Variants in NCALD observed in about 807,000 individuals in gnomAD.
The protein encoded by NCALD is neurocalcin delta, also known as neurocalcin-delta.
A neutral mutation model predicts 18.6 loss-of-function variants in NCALD; 10 were observed. The ratio of observed to expected loss-of-function variants is 0.54; its 90% confidence interval spans 0.33 to 0.91. The LOEUF (loss-of-function observed/expected upper bound fraction) is 0.91. NCALD is among the 40% of genes least tolerant of loss of function. The pLI, the probability that NCALD is intolerant of heterozygous loss-of-function variation, is 0.03. For synonymous variants in NCALD, 88 were observed against 87.4 expected, an observed-to-expected ratio of 1.01 and a Z score of -0.04; for missense variants, 184 against 247.6, an observed-to-expected ratio of 0.74 and a Z score of 1.72.
At chr8:102,088,890 G>T (rs1824831204) in intron 1 of NCALD, among the ~76,000 whole-genome samples, 1 of 152,186 alleles carries the variant, frequency 6.6e-6, no homozygotes, top group African/African-American at 2.4e-5. Context: ...CAAATTATGA[G>T]ACAGTTCTGG....
chr8:102,027,937 T>A (rs1186049476), intron 1 of NCALD, among the ~76,000 whole-genome samples: 2 of 152,162 alleles, frequency 1.3e-5, no homozygotes, highest in African/African-American at 4.8e-5. Flanking sequence ...ACCAGCAGCA[T>A]GGGGGTAATT....
intron 2 of NCALD, among the ~76,000 whole-genome samples, chr8:101,700,056 A>ATTTT (rs531550008): frequency 6.6e-6 from 1 of 150,860 alleles, no homozygotes; most frequent in East Asian, 1.9e-4. Context: ...TTATTTATTT[A>ATTTT]TTCATTTATT....
intron 4 of NCALD, among the ~76,000 whole-genome samples, chr8:101,854,251 C>G (rs1387448372): frequency 6.6e-6 from 1 of 152,150 alleles, no homozygotes; most frequent in African/African-American, 2.4e-5. Context: ...GCACCAGCTG[C>G]TGCCCTGGAC....
At chr8:101,950,052 G>A (rs770036531) in intron 2 of NCALD, among the ~76,000 whole-genome samples, 5 of 152,160 alleles carry the variant, frequency 3.3e-5, no homozygotes, top group Admixed American at 6.5e-5. Context: ...TCATTTAGAC[G>A]TCAAGAAAGA....
At chr8:101,768,676 T>C (rs1811451357) in intron 1 of NCALD, among the ~76,000 whole-genome samples, 1 of 145,854 alleles carries the variant, frequency 6.9e-6, no homozygotes, top group Non-Finnish European at 1.5e-5. Flanking sequence ...GCAACTGCAC[T>C]CCAGGTTGGG....
At chr8:102,031,674 A>G (rs1043529270) in intron 1 of NCALD, among the ~76,000 whole-genome samples, 5 of 152,236 alleles carry the variant, frequency 3.3e-5, no homozygotes, top group Admixed American at 1.3e-4. Flanking sequence ...TTTCAGAAGT[A>G]TAACAGGTAA....
intron 2 of NCALD, among the ~76,000 whole-genome samples, chr8:101,702,492 A>C (rs1815315153): frequency 6.6e-6 from 1 of 152,138 alleles, no homozygotes; most frequent in South Asian, 2.1e-4. Context: ...AGCCTCCCAA[A>C]GTGTGGAAAT....
chr8:101,691,080 ACT>A (rs1332011177), intron 3 of NCALD: 1 of 985,034 alleles, frequency 1.0e-6, no homozygotes, highest in Non-Finnish European at 1.2e-6. Flanking sequence ...AGGGTAGGAG[ACT>A]CTAGGTGAGG....
At chr8:101,855,890 A>T (rs1815297483) in intron 4 of NCALD, among the ~76,000 whole-genome samples, 1 of 152,238 alleles carries the variant, frequency 6.6e-6, no homozygotes, top group African/African-American at 2.4e-5. Context: ...GCTTCTAATT[A>T]TAAGGTCTTA....
At chr8:102,093,979 A>C (rs867276096) in intron 1 of NCALD, among the ~76,000 whole-genome samples, 2 of 152,346 alleles carry the variant, frequency 1.3e-5, no homozygotes, top group African/African-American at 4.8e-5. Flanking sequence ...AATCAATTCC[A>C]GTCACATCCC....
intron 3 of NCALD, among the ~76,000 whole-genome samples, chr8:101,909,805 C>T (rs937783018): frequency 1.6e-4 from 24 of 150,934 alleles, no homozygotes; most frequent in African/African-American, 4.9e-4. Context: ...TTTAATGTAA[C>T]GCCCCTTAAG....
At chr8:101,804,503 A>AATATAATTG (rs1813005752) in intron 4 of NCALD, among the ~76,000 whole-genome samples, 3 of 124,166 alleles carry the variant, frequency 2.4e-5, no homozygotes, top group African/African-American at 1.1e-4. Flanking sequence ...TAATATAATT[A>AATATAATTG]ATTATATAAT....
rs1554593045 is a variant in NCALD, at chr8:102,081,580, CA to C, written c.-210+42656del. Among the ~76,000 whole-genome samples the C allele has an allele frequency of 2.7e-3, 333 of 123,560 alleles. 2 individuals are homozygous for C. The highest frequency in any genetic ancestry group is 9.4e-3 in the Middle Eastern group (2 of 212). 81.1% of individuals were successfully genotyped at this position (123,560 alleles called of 152,430 possible). On this transcript the variant is annotated intron_variant, in intron 1 of 6. Coordinates refer to the NCALD transcript ENST00000311028. ...AAAAAAAAAAAAAAAAAAAAAACCCCAAAAAAAACTGGCTTTGCGCATGCGC... is the reference window on the plus strand; with the variant it reads ...AAAAAAAAAAAAAAAAAAAAAACCCCAAAAAAACTGGCTTTGCGCATGCGC...
chr8:102,073,035 T>C (rs1460625617), intron 1 of NCALD, among the ~76,000 whole-genome samples: 1 of 152,236 alleles, frequency 6.6e-6, no homozygotes, highest in African/African-American at 2.4e-5. Context: ...TAAATATGTA[T>C]GTAGAAAGAT....
intron 4 of NCALD, among the ~76,000 whole-genome samples, chr8:101,875,684 G>T (rs766855504): frequency 6.6e-6 from 1 of 152,116 alleles, no homozygotes; most frequent in Non-Finnish European, 1.5e-5. Flanking sequence ...ATTCTAAGAC[G>T]CAACAAAGCA....
chr8:102,012,166 G>A (rs1245647406), intron 2 of NCALD, among the ~76,000 whole-genome samples: 1 of 152,150 alleles, frequency 6.6e-6, no homozygotes, highest in Non-Finnish European at 1.5e-5. Flanking sequence ...AGCTGTTGTG[G>A]GGACAACTGC....
At chr8:101,952,491 C>A (rs1819467860) in intron 2 of NCALD, among the ~76,000 whole-genome samples, 1 of 152,168 alleles carries the variant, frequency 6.6e-6, no homozygotes, top group South Asian at 2.1e-4. Context: ...GTAGGCAATA[C>A]CCACCAGACA....
At chr8:101,706,257 ATGG>A (rs1815515554) in intron 2 of NCALD, among the ~76,000 whole-genome samples, 2 of 151,678 alleles carry the variant, frequency 1.3e-5, no homozygotes, top group Admixed American at 1.3e-4. Context: ...GTGGAGATAG[ATGG>A]TGGAGGAGTG....
At position 101,896,598 on chromosome 8, in the gene NCALD, A is replaced by G. The variant is rs372696161; in HGVS notation, c.-106-9371T>C. ...CAGGCAACCTACAAAATGGGAGAAA[A>G]TTTTTGCAACCTACTCACCTGACAA... On this transcript the variant is annotated intron_variant, in intron 3 of 6. Transcript: ENST00000311028. Among the ~76,000 whole-genome samples the G allele has an allele frequency of 1.2e-3, 187 of 152,102 alleles. No individual in the cohort carries two copies. The East Asian group carries it at 0.015, about 12-fold the overall frequency.
Sources: gnomAD v4.1 joint callset for allele counts (sites outside exome capture counted in the v4.1 genomes callset) on GRCh38, gnomAD v4.1.1 for gene constraint, MANE v1.5 for transcripts, NCBI Gene and HGNC (gene_info 2026-07-23, HGNC 2026-07-21) for gene names.